CD109: variants seen among roughly 807,000 people sequenced by gnomAD.
CD109 encodes CD109 antigen.
In CD109, 149 loss-of-function variants were observed where a neutral mutation model predicts 165.8. The ratio of observed to expected loss-of-function variants is 0.90; its 90% CI spans 0.79 to 1.03. CD109 has a LOEUF of 1.03. Among genes scored for constraint, CD109 ranks in the 50% least tolerant of loss-of-function variants. CD109 has a pLI of 0.00. For missense variants in CD109, 1,712 were observed against 1,677.8 expected, an observed-to-expected ratio of 1.02 and a Z score of -0.36; for synonymous variants, 585 against 592.1, an observed-to-expected ratio of 0.99 and a Z score of 0.18.
chr6:73,736,996 T>G (rs1260522783), intron 5 of CD109, among the ~76,000 whole-genome samples: 2 of 152,204 alleles, frequency 1.3e-5, no homozygotes, highest in Non-Finnish European at 2.9e-5. Flanking sequence ...TGCTGCCAAC[T>G]TGTATAGCTC....
At chr6:73,775,819 G>T (rs1236505764) in intron 15 of CD109, among the ~76,000 whole-genome samples, 2 of 152,140 alleles carry the variant, frequency 1.3e-5, no homozygotes, top group Admixed American at 1.3e-4. Context: ...ATGACCTCCA[G>T]CTCCATCCAT....
intron 2 of CD109, among the ~76,000 whole-genome samples, chr6:73,702,367 A>G (rs1771116322): frequency 6.6e-6 from 1 of 152,190 alleles, no homozygotes; most frequent in Non-Finnish European, 1.5e-5. Context: ...GCTCCTGAAC[A>G]TGCATTTCAT....
Position 73,825,468 on chromosome 6 carries a change from C to G in CD109, c.*1835C>G, listed in dbSNP as rs1304848288. On this transcript the variant is annotated 3_prime_UTR_variant, in exon 33 of 33. Coordinates refer to ENST00000287097, the MANE Select transcript of CD109 (RefSeq NM_133493.5). ...GGAGGGTCTTGGCAAAGGACTTTCC[C>G]CTCCTCTTTCCTGGCCTGGGAACCT... The G allele has an allele frequency of 1.3e-5, 2 of 152,160 alleles. No homozygotes were observed. The highest frequency in any genetic ancestry group is 2.9e-5 in the Non-Finnish European group (2 of 68,042). The allele number at this position is 152,160 out of a possible 1,614,324, so 9.4% of individuals were successfully genotyped here.
chr6:73,783,090 A>C (rs915968032), intron 18 of CD109, among the ~76,000 whole-genome samples: 1 of 152,012 alleles, frequency 6.6e-6, no homozygotes, highest in African/African-American at 2.4e-5. Context: ...GGAAGCACTC[A>C]TGATTACCTC....
At chr6:73,774,743 T>C (rs1246762882) in intron 15 of CD109, among the ~76,000 whole-genome samples, 3 of 152,340 alleles carry the variant, frequency 2.0e-5, no homozygotes, top group South Asian at 2.1e-4. Flanking sequence ...TTTCTGACTA[T>C]GTCTGCTGCT....
chr6:73,690,399 T>A, the CD109 span, among the ~76,000 whole-genome samples: 1 of 152,008 alleles, frequency 6.6e-6, no homozygotes, highest in African/African-American at 2.4e-5. Flanking sequence ...GTGATAAACA[T>A]TTTTTTTGTT....
At chr6:73,807,980 CACTG>C in intron 25 of CD109, 99 bp from the exon 26 acceptor site, 1 of 956,946 alleles carries the variant, frequency 1.0e-6, no homozygotes. Flanking sequence ...ACTTCATAGA[CACTG>C]AACTTATTTT....
At chr6:73,758,919 A>G in intron 6 of CD109, 25 bp from the exon 7 acceptor site, 1 of 1,322,408 alleles carries the variant, frequency 7.6e-7, no homozygotes, top group Non-Finnish European at 1.1e-6. Context: ...AGAAAAAAAG[A>G]TTTACCCTTG....
intron 11 of CD109, 142 bp from the exon 12 acceptor site, chr6:73,766,617 C>A: frequency 1.7e-6 from 1 of 598,136 alleles, no homozygotes; most frequent in Non-Finnish European, 3.0e-6. Context: ...TGATGAAAAT[C>A]CAATGTCTGG....
intron 3 of CD109, among the ~76,000 whole-genome samples, chr6:73,726,637 A>G (rs994090665): frequency 6.6e-6 from 1 of 152,198 alleles, no homozygotes; most frequent in Non-Finnish European, 1.5e-5. Context: ...TAGAATAAGT[A>G]ATCCTTATTT....
In CD109 at chr6:73,696,459, G is replaced by A. The variant is rs549403484; in HGVS notation, c.74+170G>A. On this transcript the variant is annotated intron_variant, in intron 1 of 32. Coordinates refer to ENST00000287097, the MANE Select transcript of CD109 (RefSeq NM_133493.5). ...TGGCCTGGAGGTTTGACCATATGTAGCTTCAGCGTGGCTCTCCATGGGACA... is the reference window on the plus strand; with the variant it reads ...TGGCCTGGAGGTTTGACCATATGTAACTTCAGCGTGGCTCTCCATGGGACA... Among the ~76,000 whole-genome samples the A allele has an allele frequency of 2.0e-5, 3 of 152,322 alleles. No individual in the cohort carries two copies. In the South Asian group the frequency reaches 6.2e-4, roughly 32 times the overall value.
chr6:73,825,079 A>G lies in CD109; in HGVS notation c.*1446A>G, dbSNP rs572848503. Reference sequence around the variant, plus strand: ...AATGTATCTTTTAAAGTTAATTTTTAAAAATGCTCTTATTTTAGTGAATTT... The same window carrying G: ...AATGTATCTTTTAAAGTTAATTTTTGAAAATGCTCTTATTTTAGTGAATTT... On this transcript the variant is annotated 3_prime_UTR_variant, in exon 33 of 33. Transcript: ENST00000287097. The G allele has an allele frequency of 6.6e-6, 1 of 152,320 alleles. No homozygotes were observed. Among genetic ancestry groups the G allele is most frequent in the East Asian group, 1.9e-4 (1 of 5,192 alleles). The allele number at this position is 152,320 out of a possible 1,614,324, so 9.4% of individuals were successfully genotyped here.
At chr6:73,731,083 G>A (rs1232384103) in intron 4 of CD109, among the ~76,000 whole-genome samples, 6 of 150,720 alleles carry the variant, frequency 4.0e-5, no homozygotes, top group African/African-American at 1.2e-4. Flanking sequence ...TTTCACTCTT[G>A]TTGCCCAGGC....
At chr6:73,696,195 G>T (rs371757131), upstream of CD109, 3 of 1,544,186 alleles carry the variant, frequency 1.9e-6, no homozygotes, top group Admixed American at 3.9e-5. Flanking sequence ...GCGGACTGTA[G>T]CCCAGGCAGA....
chr6:73,803,676 A>G (rs911605522), intron 24 of CD109, among the ~76,000 whole-genome samples: 2 of 119,916 alleles, frequency 1.7e-5, no homozygotes, highest in Admixed American at 9.5e-5. Context: ...ACTGCGGTCA[A>G]TGTAGTTTAA....
rs576506260 is a variant in CD109 at position 73,765,638 on chromosome 6, C to T, written c.1108-292C>T. ...GAAGAACAGATGTCCAAAATTCCCACATTTAGGGAGAGGAAAGAGGAACTG... is the reference window on the plus strand; with the variant it reads ...GAAGAACAGATGTCCAAAATTCCCATATTTAGGGAGAGGAAAGAGGAACTG... On this transcript the variant is annotated intron_variant, in intron 10 of 32. Coordinates refer to ENST00000287097, the MANE Select transcript of CD109 (RefSeq NM_133493.5). 2.9e-4 allele frequency among the ~76,000 whole-genome samples: 44 copies of T among 151,874 alleles called. No individual in the cohort carries two copies. In the South Asian group the frequency reaches 9.0e-3, roughly 31 times the overall value.
At chr6:73,818,656 A>G (rs1287253880) in intron 31 of CD109, 121 bp downstream of exon 31, 1 of 888,318 alleles carries the variant, frequency 1.1e-6, no homozygotes, top group Non-Finnish European at 1.7e-6. Context: ...GTGTCCCTGA[A>G]TGAGTTTAAC....
chr6:73,765,560 TCA>T (rs1242194231), intron 10 of CD109, among the ~76,000 whole-genome samples: 1 of 151,838 alleles, frequency 6.6e-6, no homozygotes, highest in Non-Finnish European at 1.5e-5. Flanking sequence ...TAGGGTACAA[TCA>T]CAGAGATGAC....
chr6:73,731,588 G>A (rs1370498284), intron 4 of CD109, among the ~76,000 whole-genome samples: 1 of 152,176 alleles, frequency 6.6e-6, no homozygotes, highest in African/African-American at 2.4e-5. Flanking sequence ...GGCCATGATA[G>A]GGACTTTGAA....
Sources: allele counts gnomAD v4.1 joint callset (sites outside exome capture counted in the v4.1 genomes callset), GRCh38; gene constraint gnomAD v4.1.1; transcripts MANE v1.5; gene names NCBI Gene and HGNC (gene_info 2026-07-23, HGNC 2026-07-21).